Variants in TIPARP observed in about 807,000 individuals in gnomAD.
TIPARP encodes the protein TCDD inducible poly(ADP-ribose) polymerase.
A neutral mutation model predicts 56.5 loss-of-function variants in TIPARP; 12 were observed. That is an observed-to-expected ratio of 0.21 (90% CI 0.14 to 0.34). The LOEUF (loss-of-function observed/expected upper bound fraction) is 0.34, where lower values mean the gene tolerates loss of function less well. TIPARP is among the 10% of genes least tolerant of loss of function. The pLI is 1.00. For synonymous variants in TIPARP, 296 were observed against 265.7 expected, an observed-to-expected ratio of 1.11 and a Z score of -1.11; for missense variants, 604 against 781.6, an observed-to-expected ratio of 0.77 and a Z score of 2.71.
chr3:156,681,038 C>T (rs1228360100), intron 2 of TIPARP: 1 of 420,444 alleles, frequency 2.4e-6, no homozygotes, highest in Non-Finnish European at 4.8e-6. Flanking sequence ...AGCTAAGTGT[C>T]AAAAATTAGG....
intron 4 of TIPARP, among the ~76,000 whole-genome samples, chr3:156,701,086 T>G (rs1722833714): frequency 6.6e-6 from 1 of 152,224 alleles, no homozygotes; most frequent in Non-Finnish European, 1.5e-5. Flanking sequence ...ATTTTTATGT[T>G]TTAGGCAAGT....
rs2108499035 is a variant in TIPARP at position 156,703,553 on chromosome 3, T to C, written c.1377T>C (p.Ser459=). Reference sequence around the variant, plus strand: ...AAACTTGGGTTTATATGCATCCATCTCAGGACTTCATCCAAGTCCCTGTTT... The same window carrying C: ...AAACTTGGGTTTATATGCATCCATCCCAGGACTTCATCCAAGTCCCTGTTT... ...YPETWVYMHP[S]QDFIQVPVSA... The change falls in exon 5 of 6, where the codon TCT becomes TCC. Residue 459 remains serine (S), a synonymous_variant. Transcript: ENST00000295924. 1 of 1,614,232 alleles carries C rather than the reference T, an allele frequency of 6.2e-7. No individual in the cohort carries two copies. Among genetic ancestry groups the C allele is most frequent in the East Asian group, 2.2e-5 (1 of 44,882 alleles).
Position 156,705,258 on chromosome 3 carries a change from T to C in TIPARP, c.*127T>C, listed in dbSNP as rs1183552941. The C allele has an allele frequency of 7.7e-6, 5 of 652,234 alleles. No individual in the cohort carries two copies. The highest frequency in any genetic ancestry group is 7.2e-5 in the African/African-American group (4 of 55,244). 40.4% of individuals were successfully genotyped at this position (652,234 alleles called of 1,614,324 possible). A position where few individuals can be genotyped will look rare whatever the true frequency, so the allele number is the denominator to read the frequency against. ...TAGGGCACTTTTCAGACCCATTTTTTAAAGTGCTAGAAAATGCTTTTTTTA... is the reference window on the plus strand; with the variant it reads ...TAGGGCACTTTTCAGACCCATTTTTCAAAGTGCTAGAAAATGCTTTTTTTA... On this transcript the variant is annotated 3_prime_UTR_variant, in exon 6 of 6. Coordinates refer to ENST00000295924, the MANE Select transcript of TIPARP (RefSeq NM_015508.5).
At chr3:156,686,631 C>T (rs1577036563) in intron 2 of TIPARP, among the ~76,000 whole-genome samples, 1 of 152,172 alleles carries the variant, frequency 6.6e-6, no homozygotes, top group East Asian at 1.9e-4. Context: ...GGGGAAAAAG[C>T]CAAAGCTAAA....
chr3:156,696,415 G>A (rs1206268311), intron 4 of TIPARP, among the ~76,000 whole-genome samples: 1 of 152,166 alleles, frequency 6.6e-6, no homozygotes, highest in Non-Finnish European at 1.5e-5. Context: ...AGTGAGGAGA[G>A]TCCTACAAGG....
In TIPARP at chr3:156,678,232, G is replaced by C; in HGVS notation, c.535G>C (p.Asp179His). 6.2e-7 allele frequency: 1 copy of C among 1,614,114 alleles called. No homozygotes were observed. Among genetic ancestry groups the C allele is most frequent in the Non-Finnish European group, 8.5e-7 (1 of 1,180,032 alleles). ...TGTTCCTACTAGTCCTGACTGCTTA[G>C]ACAAAGTCATAGATTATGTTCCAGG... ...SDVPTSPDCL[D>H]KVIDYVPGIF... Residue 179 changes from aspartate to histidine, a missense_variant, in exon 2 of 6, where the codon GAC (aspartate) becomes CAC (histidine). By Grantham distance (81) the Asp-to-His change is moderately conservative (BLOSUM62 -1). Around this residue, in one of 4 missense-constraint regions of TIPARP, gnomAD observed 261 missense variants for 279.2 expected, o/e 0.93. Coordinates refer to ENST00000295924, the MANE Select transcript of TIPARP (RefSeq NM_015508.5).
At chr3:156,703,945 G>A (rs377531030) in intron 5 of TIPARP, among the ~76,000 whole-genome samples, 27 of 151,136 alleles carry the variant, frequency 1.8e-4, no homozygotes, top group East Asian at 1.8e-3. Context: ...CCTGGGAGGC[G>A]GAGCTTGCAG....
rs568051913 is a variant in TIPARP at position 156,703,274 on chromosome 3, T to A, written c.1248-150T>A. 2.3e-4 allele frequency: 200 copies of A among 852,002 alleles called. No homozygotes were observed. In the African/African-American group the frequency reaches 3.0e-3, roughly 13 times the overall value. 52.8% of individuals were successfully genotyped at this position (852,002 alleles called of 1,614,324 possible). ...GATGTTTGCTCCAAGCCTTTTTTTT[T>A]AATTAAATAGATAGCATTTTTTACT... On this transcript the variant is annotated intron_variant, in intron 4 of 5. Coordinates refer to ENST00000295924, the MANE Select transcript of TIPARP (RefSeq NM_015508.5).
intron 2 of TIPARP, among the ~76,000 whole-genome samples, chr3:156,687,023 A>G (rs1049088966): frequency 9.2e-5 from 14 of 152,138 alleles, no homozygotes; most frequent in African/African-American, 3.4e-4. Flanking sequence ...AGTTTTAAAA[A>G]TATTTTTCTT....
chr3:156,692,130 A>T (rs1722591751), intron 2 of TIPARP, among the ~76,000 whole-genome samples: 1 of 152,180 alleles, frequency 6.6e-6, no homozygotes, highest in Non-Finnish European at 1.5e-5. Context: ...AATACTGAGG[A>T]TTTGTGACTC....
Position 156,705,207 on chromosome 3 carries a change from G to A in TIPARP, c.*76G>A, listed in dbSNP as rs1003527858. The A allele has an allele frequency of 4.3e-6, 4 of 932,726 alleles. 1 individual carries two copies. The African/African-American group carries it at 6.7e-5, about 16-fold the overall frequency. The allele number at this position is 932,726 out of a possible 1,614,324, so 57.8% of individuals were successfully genotyped here. A position where few individuals can be genotyped will look rare whatever the true frequency, so the allele number is the denominator to read the frequency against. On this transcript the variant is annotated 3_prime_UTR_variant, in exon 6 of 6. Coordinates refer to ENST00000295924, the MANE Select transcript of TIPARP (RefSeq NM_015508.5). ...TAGCAGGTTTTGAATGGGTGGGACTGGGTGGGGAACAGCATTGGACATTAA... is the reference window on the plus strand; with the variant it reads ...TAGCAGGTTTTGAATGGGTGGGACTAGGTGGGGAACAGCATTGGACATTAA...
At chr3:156,693,908 CTACA>C in intron 2 of TIPARP, 108 bp from the exon 3 acceptor site, 1 of 1,207,892 alleles carries the variant, frequency 8.3e-7, no homozygotes, top group Non-Finnish European at 1.1e-6. Flanking sequence ...TTTGAAAATT[CTACA>C]ACAGGCTATG....
chr3:156,703,960 C>T (rs866529871), intron 5 of TIPARP, among the ~76,000 whole-genome samples: 8 of 150,254 alleles, frequency 5.3e-5, no homozygotes, highest in African/African-American at 1.5e-4. Flanking sequence ...TTGCAGTGAG[C>T]CGAGATTGCG....
intron 5 of TIPARP, among the ~76,000 whole-genome samples, 160 bp downstream of exon 5, chr3:156,703,862 A>T (rs1722912152): frequency 6.6e-6 from 1 of 152,110 alleles, no homozygotes; most frequent in Non-Finnish European, 1.5e-5. Context: ...AAATAGAAAA[A>T]ATTAGCTGGG....
intron 4 of TIPARP, among the ~76,000 whole-genome samples, chr3:156,698,709 C>T (rs1053843589): frequency 6.6e-6 from 1 of 152,220 alleles, no homozygotes; most frequent in Admixed American, 6.5e-5. Context: ...TGCTATACAA[C>T]ATCCATTCTG....
In TIPARP at chr3:156,677,664, A is replaced by G; in HGVS notation, c.-34A>G. On this transcript the variant is annotated 5_prime_UTR_variant, in exon 2 of 6. Transcript: ENST00000295924. Reference sequence around the variant, plus strand: ...TCCTTCCTTTCCTCGTAGGATTTTTAGACTCTGAGGAGCAGTTGGAGCTAA... The same window carrying G: ...TCCTTCCTTTCCTCGTAGGATTTTTGGACTCTGAGGAGCAGTTGGAGCTAA... 6.6e-7 allele frequency: 1 copy of G among 1,517,430 alleles called. No individual in the cohort carries two copies. The highest frequency in any genetic ancestry group is 8.8e-7 in the Non-Finnish European group (1 of 1,135,858). The allele number at this position is 1,517,430 out of a possible 1,614,324, so 94.0% of individuals were successfully genotyped here.
rs1722696016 is a variant in TIPARP, at chr3:156,695,746, A to T, written c.1087-119A>T. ...CATATAAAGGGAGTTATTTAGACTC[A>T]CTGTACTTTATTGAAATTCCTGTGA... is the stretch of plus-strand genomic sequence containing the variant. On this transcript the variant is annotated intron_variant, in intron 3 of 5. Coordinates refer to ENST00000295924, the MANE Select transcript of TIPARP (RefSeq NM_015508.5). 6 of 1,351,508 alleles carry T rather than the reference A, an allele frequency of 4.4e-6. No individual in the cohort carries two copies. The South Asian group carries it at 9.6e-5, about 22-fold the overall frequency. The allele number at this position is 1,351,508 out of a possible 1,614,324, so 83.7% of individuals were successfully genotyped here. A position where few individuals can be genotyped will look rare whatever the true frequency, so the allele number is the denominator to read the frequency against.
chr3:156,699,089 G>A (rs899939053), intron 4 of TIPARP, among the ~76,000 whole-genome samples: 1 of 152,156 alleles, frequency 6.6e-6, no homozygotes, highest in Non-Finnish European at 1.5e-5. Context: ...GATAAAACTT[G>A]GATGCATGAG....
At chr3:156,688,030 A>G (rs528341231) in intron 2 of TIPARP, among the ~76,000 whole-genome samples, 9 of 152,300 alleles carry the variant, frequency 5.9e-5, no homozygotes, top group African/African-American at 1.7e-4. Flanking sequence ...ATTCAGATAA[A>G]TCCATGATCT....
Sources: allele counts gnomAD v4.1 joint callset (sites outside exome capture counted in the v4.1 genomes callset), GRCh38; gene constraint gnomAD v4.1.1; regional missense constraint gnomAD v4.1.1; transcripts MANE v1.5; gene names NCBI Gene and HGNC (gene_info 2026-07-23, HGNC 2026-07-21).